Variants in ZNF484 observed in about 807,000 individuals in gnomAD.
The protein encoded by ZNF484 is zinc finger protein 484.
In ZNF484, 11 loss-of-function variants were observed where a neutral mutation model predicts 12.9. The ratio of observed to expected loss-of-function variants is 0.85; its 90% CI spans 0.54 to 1.41. ZNF484 has a LOEUF of 1.41. Ranked by LOEUF, ZNF484 falls within the 40% of genes most tolerant of loss-of-function variation. The pLI is 0.00. For missense variants in ZNF484, 807 were observed against 1,007.7 expected, an observed-to-expected ratio of 0.80 and a Z score of 2.70; for synonymous variants, 289 against 334.1, an observed-to-expected ratio of 0.86 and a Z score of 1.47.
At position 92,844,620 on chromosome 9, in the gene ZNF484, A is replaced by G. The variant is rs1461464597; in HGVS notation, c.*1608T>C. ...ATTATATAAAGCTTCTCAATAAAACAATAAAAGACAAACCAAAATAAAATA... is the reference window on the plus strand; with the variant it reads ...ATTATATAAAGCTTCTCAATAAAACGATAAAAGACAAACCAAAATAAAATA... On this transcript the variant is annotated 3_prime_UTR_variant, in exon 5 of 5. Coordinates refer to ENST00000375495, the MANE Select transcript of ZNF484 (RefSeq NM_031486.4). Among the ~76,000 whole-genome samples, 1 of 152,228 alleles carries G rather than the reference A, an allele frequency of 6.6e-6. No individual in the cohort carries two copies. Among genetic ancestry groups the G allele is most frequent in the Non-Finnish European group, 1.5e-5 (1 of 68,032 alleles).
intron 4 of ZNF484, among the ~76,000 whole-genome samples, chr9:92,850,053 G>A (rs192138581): frequency 6.6e-6 from 1 of 152,094 alleles, no homozygotes; most frequent in Non-Finnish European, 1.5e-5. Context: ...TGTCCGCCTC[G>A]GCCTCCCAAA....
chr9:92,878,033 G>A lies in ZNF484; in HGVS notation c.-174C>T. The A allele has an allele frequency of 1.6e-6, 1 of 612,880 alleles. No individual in the cohort carries two copies. The highest frequency in any genetic ancestry group is 2.0e-5 in the South Asian group (1 of 49,352). 38.0% of individuals were successfully genotyped at this position (612,880 alleles called of 1,614,324 possible). On this transcript the variant is annotated 5_prime_UTR_variant, in exon 1 of 5. Coordinates refer to ENST00000375495, the MANE Select transcript of ZNF484 (RefSeq NM_031486.4). ...ACTTCTTACAGCGCTGCCTGGGTTT[G>A]CGCATGCTCAGCAGTCTTCATGGCC...
rs1315765602 is a variant in ZNF484, at chr9:92,847,346, T to C, written c.1441A>G (p.Thr481Ala). The C allele has an allele frequency of 6.2e-7, 1 of 1,613,766 alleles. No individual in the cohort carries two copies. Among genetic ancestry groups the C allele is most frequent in the South Asian group, 1.1e-5 (1 of 90,994 alleles). ...ATTTTCTGGTGTATAATGAGATTTG[T>C]CTTGTGAGTGAAGACCTTCCCACAT... ...SECGKVFTHK[T>A]NLIIHQKIHT... The change falls in exon 5 of 5, where the codon ACA (threonine) becomes GCA (alanine). Residue 481 changes from threonine to alanine, a missense_variant. By Grantham distance (58) the Thr-to-Ala change is moderately conservative. Coordinates refer to ENST00000375495, the MANE Select transcript of ZNF484 (RefSeq NM_031486.4).
At chr9:92,866,052 T>C (rs1857049925) in intron 2 of ZNF484, among the ~76,000 whole-genome samples, 1 of 152,246 alleles carries the variant, frequency 6.6e-6, no homozygotes, top group Non-Finnish European at 1.5e-5. Flanking sequence ...TACCATCTTC[T>C]GTGGAAAGAA....
At chr9:92,870,437 C>T (rs144691418) in intron 2 of ZNF484, among the ~76,000 whole-genome samples, 1 of 152,346 alleles carries the variant, frequency 6.6e-6, no homozygotes, top group East Asian at 1.9e-4. Flanking sequence ...CTCTCATCAG[C>T]AAAGACTCAG....
chr9:92,861,400 G>A (rs1412829414), intron 2 of ZNF484, among the ~76,000 whole-genome samples: 1 of 152,194 alleles, frequency 6.6e-6, no homozygotes, highest in Non-Finnish European at 1.5e-5. Flanking sequence ...ACAAGCAGCT[G>A]TAAATAGTGT....
rs374172694 is a variant in ZNF484 at position 92,877,629 on chromosome 9, C to A, written c.-31+261G>T. 2.6e-5 allele frequency among the ~76,000 whole-genome samples: 4 copies of A among 152,210 alleles called. No homozygotes were observed. The East Asian group carries it at 5.8e-4, about 22-fold the overall frequency. ...CTTAGTTCCCATAGTCATCCTCCCC[C>A]ACAACCCCACAGTCCGCCCTCACTC... On this transcript the variant is annotated intron_variant, in intron 1 of 4. Transcript: ENST00000375495.
intron 1 of ZNF484, among the ~76,000 whole-genome samples, chr9:92,875,440 T>C (rs573487500): frequency 2.6e-5 from 4 of 152,172 alleles, no homozygotes; most frequent in Non-Finnish European, 4.4e-5. Flanking sequence ...TAAGTGTCAA[T>C]TGGTGCCCAG....
At chr9:92,851,982 A>T (rs933995883) in intron 4 of ZNF484, among the ~76,000 whole-genome samples, 1 of 152,260 alleles carries the variant, frequency 6.6e-6, no homozygotes. Flanking sequence ...TCAAGATTTC[A>T]TGCAGTTATC....
At chr9:92,866,338 AC>A (rs1348082840) in intron 2 of ZNF484, among the ~76,000 whole-genome samples, 1 of 152,268 alleles carries the variant, frequency 6.6e-6, no homozygotes, top group East Asian at 1.9e-4. Context: ...AAGGATATGA[AC>A]AGACACTTCT....
rs1855855787 is a variant in ZNF484, at chr9:92,848,575, A to G, written c.236-24T>C. ...ATCTAAAAAAGAAAGAAAAGATAAG[A>G]CTGACAAAAAGAACAATTAACAGAA... On this transcript the variant is annotated intron_variant, in intron 4 of 4. Transcript: ENST00000375495. The surrounding 1 kb of genome is among the most constrained non-coding windows in gnomAD (Gnocchi z 4.1). The G allele has an allele frequency of 6.5e-7, 1 of 1,542,728 alleles. No individual in the cohort carries two copies. Among genetic ancestry groups the G allele is most frequent in the Admixed American group, 2.2e-5 (1 of 46,450 alleles).
Position 92,848,286 on chromosome 9 carries a change from G to T in ZNF484, c.501C>A (p.His167Gln). ...GGGGTCTTTTTCTTGAGGAAACCAG[G>T]TGTGTGTTTACATGAACTATTTCCC... ...DIGEIVHVNT[H>Q]LVSSRKRPHN... is the part of the protein sequence containing the mutation. Residue 167 changes from histidine (H) to glutamine (Q), a missense_variant, in exon 5 of 5, where the codon CAC becomes CAA. Transcript: ENST00000375495. This position sits in a 1 kb window ranked among gnomAD's most constrained non-coding sequence, Gnocchi z 4.1. 1 of 1,614,126 alleles carries T rather than the reference G, an allele frequency of 6.2e-7. No individual in the cohort carries two copies. Among genetic ancestry groups the T allele is most frequent in the Non-Finnish European group, 8.5e-7 (1 of 1,180,022 alleles).
At chr9:92,872,208 G>T (rs575675188) in intron 2 of ZNF484, among the ~76,000 whole-genome samples, 1 of 135,362 alleles carries the variant, frequency 7.4e-6, no homozygotes, top group East Asian at 2.5e-4. Context: ...TACAGCCTGG[G>T]CAACAAGAGC....
intron 1 of ZNF484, among the ~76,000 whole-genome samples, chr9:92,875,286 T>C (rs1483921923): frequency 6.6e-6 from 1 of 152,242 alleles, no homozygotes; most frequent in African/African-American, 2.4e-5. Flanking sequence ...AGATATTCAA[T>C]AATTGTGGAT....
At chr9:92,861,582 G>A (rs1856780766) in intron 2 of ZNF484, among the ~76,000 whole-genome samples, 1 of 152,200 alleles carries the variant, frequency 6.6e-6, no homozygotes, top group African/African-American at 2.4e-5. Flanking sequence ...TCAGTTACCT[G>A]TAAGATAGAT....
chr9:92,866,692 G>T (rs138466111), intron 2 of ZNF484, among the ~76,000 whole-genome samples: 2 of 151,570 alleles, frequency 1.3e-5, no homozygotes, highest in Non-Finnish European at 2.9e-5. Flanking sequence ...ACATGCACAC[G>T]TATGTTTACT....
intron 2 of ZNF484, among the ~76,000 whole-genome samples, chr9:92,865,112 A>C (rs192089622): frequency 3.9e-4 from 60 of 152,328 alleles, no homozygotes; most frequent in Non-Finnish European, 7.2e-4. Context: ...CATGAATGAC[A>C]GTGTGATAGT....
intron 2 of ZNF484, among the ~76,000 whole-genome samples, chr9:92,864,803 T>C (rs963703737): frequency 6.6e-6 from 1 of 152,126 alleles, no homozygotes; most frequent in Admixed American, 6.6e-5. Context: ...CTCCCTACTC[T>C]GAGAGATTTT....
In ZNF484 at chr9:92,852,529, CTTTTTT is replaced by C. The variant is rs760841960; in HGVS notation, c.235+3276_235+3281del. ...ACAGGCGTGAGCCACCACGCCCAGC[CTTTTTT>C]TTTTTTTTTTTTTTTTTTGAGACGG... On this transcript the variant is annotated intron_variant, in intron 4 of 4. Coordinates refer to ENST00000375495, the MANE Select transcript of ZNF484 (RefSeq NM_031486.4). Among the ~76,000 whole-genome samples the C allele has an allele frequency of 8.7e-3, 553 of 63,500 alleles. 3 individuals carry two copies. The highest frequency in any genetic ancestry group is 0.012 in the Non-Finnish European group (442 of 36,632). 41.7% of individuals were successfully genotyped at this position (63,500 alleles called of 152,430 possible). A position where few individuals can be genotyped will look rare whatever the true frequency, so the allele number is the denominator to read the frequency against.
Sources: gnomAD v4.1 joint callset for allele counts (sites outside exome capture counted in the v4.1 genomes callset) on GRCh38, gnomAD v4.1.1 for gene constraint, Gnocchi (gnomAD v3.1) non-coding constraint, MANE v1.5 for transcripts, NCBI Gene and HGNC (gene_info 2026-07-23, HGNC 2026-07-21) for gene names.